The following QTGAL variants were observed in gnomAD, a reference collection of about 807,000 sequenced individuals.
QTGAL encodes the protein BGnT-like protein 1.
chr17:83,037,644 C>T, the QTGAL span, among the ~76,000 whole-genome samples: 19 of 152,302 alleles, frequency 1.2e-4, no homozygotes, highest in Middle Eastern at 0.014. The surrounding 1 kb of genome is among the most constrained non-coding windows in gnomAD (Gnocchi z 5.2). Context: ...GAAACACAGG[C>T]GGAGGCACCT....
chr17:82,968,331 AC>A, the QTGAL span, among the ~76,000 whole-genome samples: 1,500 of 151,952 alleles, frequency 9.9e-3, 99 homozygotes, highest in Admixed American at 0.092. Context: ...TGGAGCCCTC[AC>A]CAGCAACCAA....
the QTGAL span, among the ~76,000 whole-genome samples, chr17:82,969,611 G>C: frequency 6.6e-6 from 1 of 152,234 alleles, no homozygotes. Context: ...GGAGTTTGAG[G>C]CTACAGTATG....
At chr17:82,998,963 T>TA in the QTGAL span, among the ~76,000 whole-genome samples, 29 of 147,764 alleles carry the variant, frequency 2.0e-4, no homozygotes, top group Admixed American at 8.1e-4. Context: ...TAGCTAAAAT[T>TA]AAAAAAAAAA....
chr17:82,957,112 G>T, the QTGAL span: 454,318 of 1,591,812 alleles, frequency 0.29, 68,564 homozygotes, highest in African/African-American at 0.56. Flanking sequence ...GGGAAGGCTC[G>T]GAGCAGCTGT....
chr17:83,000,515 T>G, the QTGAL span, among the ~76,000 whole-genome samples: 2 of 152,178 alleles, frequency 1.3e-5, no homozygotes, highest in East Asian at 3.8e-4. Context: ...GGTCTATAAG[T>G]GTTTGTATGC....
At chr17:83,011,006 C>T in the QTGAL span, among the ~76,000 whole-genome samples, 5 of 152,372 alleles carry the variant, frequency 3.3e-5, no homozygotes, top group East Asian at 3.9e-4. Context: ...TGGTCTTGAA[C>T]GTTGGGAACA....
the QTGAL span, chr17:82,960,979 C>A: frequency 4.0e-6 from 6 of 1,514,666 alleles, no homozygotes; most frequent in African/African-American, 8.2e-5. Flanking sequence ...TCGGCCCCAC[C>A]AACCCCGGCC....
the QTGAL span, chr17:82,957,503 G>A: frequency 6.3e-7 from 1 of 1,596,194 alleles, no homozygotes; most frequent in South Asian, 1.1e-5. Flanking sequence ...TCCTGCGGTG[G>A]AGAAGAGGGT....
At chr17:83,023,790 A>G in the QTGAL span, among the ~76,000 whole-genome samples, 1 of 152,150 alleles carries the variant, frequency 6.6e-6, no homozygotes, top group African/African-American at 2.4e-5. Flanking sequence ...GCTGCAGGGA[A>G]GAGCTGGAAG....
At chr17:83,028,870 C>T in the QTGAL span, among the ~76,000 whole-genome samples, 1 of 152,172 alleles carries the variant, frequency 6.6e-6, no homozygotes, top group Non-Finnish European at 1.5e-5. Flanking sequence ...GAAACAATCT[C>T]GGTGCAGTCA....
the QTGAL span, among the ~76,000 whole-genome samples, chr17:82,974,043 C>G: frequency 6.6e-6 from 1 of 152,214 alleles, no homozygotes; most frequent in Non-Finnish European, 1.5e-5. Flanking sequence ...GACCAGCACT[C>G]CACGCTCCAT....
chr17:83,024,660 G>A, the QTGAL span, among the ~76,000 whole-genome samples: 1 of 152,232 alleles, frequency 6.6e-6, no homozygotes, highest in Non-Finnish European at 1.5e-5. Flanking sequence ...GTGTTAACAC[G>A]CCCCCGGGGC....
chr17:83,039,627 G>A, the QTGAL span, among the ~76,000 whole-genome samples: 15 of 151,508 alleles, frequency 9.9e-5, 4 homozygotes, highest in East Asian at 3.0e-3. Flanking sequence ...ACTGCTGGGC[G>A]CCCGCTGCCC....
At chr17:82,984,093 CG>C in the QTGAL span, among the ~76,000 whole-genome samples, 2 of 106,744 alleles carry the variant, frequency 1.9e-5, no homozygotes, top group Non-Finnish European at 1.9e-5. Context: ...CGTGAGCACA[CG>C]GGGGAGAGAT....
the QTGAL span, among the ~76,000 whole-genome samples, chr17:83,000,151 C>T: frequency 1.3e-4 from 20 of 152,120 alleles, no homozygotes; most frequent in South Asian, 2.3e-3. Flanking sequence ...TTAGTAGGGA[C>T]GGGGTTTCAC....
the QTGAL span, chr17:82,978,973 G>A: frequency 1.6e-4 from 25 of 152,320 alleles, no homozygotes; most frequent in African/African-American, 6.0e-4. The surrounding 1 kb of genome is among the most constrained non-coding windows in gnomAD (Gnocchi z 4.8). Flanking sequence ...CAATGCGGCT[G>A]ATGTAGTATG....
the QTGAL span, chr17:83,034,999 A>G: frequency 6.8e-7 from 1 of 1,471,792 alleles, no homozygotes; most frequent in Non-Finnish European, 9.4e-7. Context: ...CAACATGTAC[A>G]CATTTATACA....
At chr17:83,035,935 G>A in the QTGAL span, among the ~76,000 whole-genome samples, 1 of 149,562 alleles carries the variant, frequency 6.7e-6, no homozygotes, top group African/African-American at 2.4e-5. Context: ...GCACGTGTGT[G>A]ATGGGCTGGT....
At chr17:82,973,209 A>G in the QTGAL span, among the ~76,000 whole-genome samples, 24 of 151,672 alleles carry the variant, frequency 1.6e-4, no homozygotes, top group South Asian at 4.9e-3. Flanking sequence ...CAAACCCACA[A>G]TGAAAGCTGG....
Sources: allele counts gnomAD v4.1 joint callset (sites outside exome capture counted in the v4.1 genomes callset), GRCh38; gene constraint gnomAD v4.1.1; non-coding constraint Gnocchi (gnomAD v3.1); transcripts MANE v1.5; gene names NCBI Gene and HGNC (gene_info 2026-07-23, HGNC 2026-07-21).